The following ERI3 variants were observed in gnomAD, a reference collection of about 807,000 sequenced individuals.
ERI3 encodes the protein ERI1 exoribonuclease family member 3.
Under a neutral mutation model 44.4 loss-of-function variants are expected in ERI3, and 18 were observed. The observed-to-expected ratio is 0.41, with a 90% CI of 0.28 to 0.60. The LOEUF is 0.60. Among genes scored for constraint, ERI3 ranks in the 20% least tolerant of loss-of-function variants. The pLI is 0.36. For synonymous variants in ERI3, 183 were observed against 164.8 expected (o/e 1.11, Z -0.84); for missense variants, 294 against 435.5 (o/e 0.68, Z 2.89).
intron 8 of ERI3, chr1:44,243,757 G>T (rs565869775): frequency 2.0e-5 from 3 of 152,358 alleles, no homozygotes; most frequent in African/African-American, 7.2e-5. Context: ...TGCTACCGAA[G>T]GTCTGTTCAG....
rs377365653 is a variant in ERI3, at chr1:44,353,885, A to G, written c.136-960T>C. The G allele has an allele frequency of 3.8e-3, 3,697 of 985,244 alleles. 6 individuals carry two copies. Among genetic ancestry groups the G allele is most frequent in the South Asian group, 6.2e-3 (132 of 21,276 alleles). The allele number at this position is 985,244 out of a possible 1,614,324, so 61.0% of individuals were successfully genotyped here. A position where few individuals can be genotyped will look rare whatever the true frequency, so the allele number is the denominator to read the frequency against. On this transcript the variant is annotated intron_variant, in intron 1 of 8. Coordinates refer to ENST00000372257, the MANE Select transcript of ERI3 (RefSeq NM_024066.3). The stretch of plus-strand genomic sequence containing the variant: ...CACTTCCCGGCAGCTCCCTTCCCCC[A>G]ACCCCCACCTCCTGAGGAAAAGGCA...
At chr1:44,324,785 A>G (rs969475150) in intron 3 of ERI3, among the ~76,000 whole-genome samples, 4 of 151,940 alleles carry the variant, frequency 2.6e-5, no homozygotes, top group Admixed American at 1.3e-4. Context: ...CCCGGCCAAC[A>G]TGGACTTTCA....
intron 8 of ERI3, among the ~76,000 whole-genome samples, chr1:44,223,740 A>G (rs1455879997): frequency 1.3e-5 from 2 of 152,142 alleles, no homozygotes; most frequent in Non-Finnish European, 2.9e-5. Flanking sequence ...GTGGGCAAGC[A>G]CTGTTCTCCC....
intron 7 of ERI3, among the ~76,000 whole-genome samples, chr1:44,282,026 T>C (rs1057098420): frequency 6.6e-6 from 1 of 151,698 alleles, no homozygotes; most frequent in Non-Finnish European, 1.5e-5. Flanking sequence ...AATAAGAATA[T>C]AAGATCATTC....
chr1:44,263,285 G>A (rs1207994877), intron 7 of ERI3, among the ~76,000 whole-genome samples: 2 of 152,194 alleles, frequency 1.3e-5, no homozygotes, highest in East Asian at 1.9e-4. Flanking sequence ...GGCTGAAAAC[G>A]AAAAGCAAGA....
At chr1:44,255,573 C>T (rs113935465) in intron 7 of ERI3, among the ~76,000 whole-genome samples, 33 of 152,282 alleles carry the variant, frequency 2.2e-4, no homozygotes, top group African/African-American at 7.7e-4. Context: ...ATTTCCAAAT[C>T]TGTATTTCTT....
chr1:44,226,801 A>ACACACACG (rs1644053209), intron 8 of ERI3, among the ~76,000 whole-genome samples: 1 of 151,808 alleles, frequency 6.6e-6, no homozygotes, highest in Admixed American at 6.6e-5. Context: ...ACACACACAC[A>ACACACACG]CACACACACA....
chr1:44,285,014 A>C, intron 6 of ERI3, 107 bp from the exon 7 acceptor site: 1 of 929,160 alleles, frequency 1.1e-6, no homozygotes, highest in Admixed American at 2.1e-5. Context: ...AGACCTCAAA[A>C]GGTCAACCCA....
intron 8 of ERI3, among the ~76,000 whole-genome samples, chr1:44,229,174 G>A (rs1369563165): frequency 6.6e-6 from 1 of 152,112 alleles, no homozygotes; most frequent in Admixed American, 6.5e-5. Flanking sequence ...CCAGGCTCAA[G>A]AACAGACATG....
chr1:44,229,502 A>G (rs769735878), intron 8 of ERI3, among the ~76,000 whole-genome samples: 8 of 152,204 alleles, frequency 5.3e-5, no homozygotes, highest in Non-Finnish European at 5.9e-5. Context: ...CAGAGAGCCA[A>G]TTACCCCGCC....
intron 6 of ERI3, among the ~76,000 whole-genome samples, chr1:44,302,330 T>G (rs1645743958): frequency 6.6e-6 from 1 of 152,148 alleles, no homozygotes; most frequent in Admixed American, 6.5e-5. Context: ...CAATGACAGA[T>G]AAAAGTAATG....
At chr1:44,284,934 A>G in intron 6 of ERI3, 27 bp from the exon 7 acceptor site, 1 of 1,597,780 alleles carries the variant, frequency 6.3e-7, no homozygotes, top group Non-Finnish European at 8.6e-7. Flanking sequence ...AGAGAGAACA[A>G]GTTGGGCGCA....
chr1:44,265,557 TAAAAAGGC>T (rs1310795474), intron 7 of ERI3, among the ~76,000 whole-genome samples: 1 of 151,910 alleles, frequency 6.6e-6, no homozygotes, highest in African/African-American at 2.4e-5. Flanking sequence ...AGTGTTCTTT[TAAAAAGGC>T]AAAAATGACA....
At chr1:44,319,534 G>A (rs1646157255) in intron 4 of ERI3, 94 bp downstream of exon 4, 30 of 794,688 alleles carry the variant, frequency 3.8e-5, no homozygotes, top group Non-Finnish European at 2.1e-6. Context: ...GGATTGATAA[G>A]CCCTATGCTT....
chr1:44,310,444 A>T (rs1645929746), intron 5 of ERI3, among the ~76,000 whole-genome samples: 1 of 151,742 alleles, frequency 6.6e-6, no homozygotes, highest in Admixed American at 6.5e-5. Context: ...CATTCAGCAT[A>T]GGATCTACTC....
At chr1:44,234,309 C>T (rs1644255009) in intron 8 of ERI3, among the ~76,000 whole-genome samples, 1 of 152,188 alleles carries the variant, frequency 6.6e-6, no homozygotes, top group African/African-American at 2.4e-5. Flanking sequence ...ACGGCAGTGC[C>T]CCTGCCAATC....
rs1481328117 is a variant in ERI3 at position 44,310,961 on chromosome 1, GCGCACACACACA to G, written c.666+2196_666+2207del. Among the ~76,000 whole-genome samples, 541 of 84,694 alleles carry G rather than the reference GCGCACACACACA, an allele frequency of 6.4e-3. 8 individuals carry two copies. Among genetic ancestry groups the G allele is most frequent in the African/African-American group, 8.3e-3 (178 of 21,450 alleles). The allele number at this position is 84,694 out of a possible 152,430, so 55.6% of individuals were successfully genotyped here. A position where few individuals can be genotyped will look rare whatever the true frequency, so the allele number is the denominator to read the frequency against. ...GCATGTATGTGCACATCGCGCGCGC[GCGCACACACACA>G]CACACACACACACACACACACACAC... On this transcript the variant is annotated intron_variant, in intron 5 of 8. Coordinates refer to ENST00000372257, the MANE Select transcript of ERI3 (RefSeq NM_024066.3).
chr1:44,328,115 C>T (rs1284026237), intron 3 of ERI3, among the ~76,000 whole-genome samples: 1 of 152,172 alleles, frequency 6.6e-6, no homozygotes, highest in Non-Finnish European at 1.5e-5. Flanking sequence ...TGTTCTCTGC[C>T]CACAAATGAT....
rs1334011611 is a variant in ERI3 at position 44,301,367 on chromosome 1, T to C, written c.758+6943A>G. ...ACCTTACCCATCAAGAGACTTTTTA[T>C]GGCCAGGAAGCTGACCCACTGCCCT... On this transcript the variant is annotated intron_variant, in intron 6 of 8. Transcript: ENST00000372257. Among the ~76,000 whole-genome samples, 4 of 152,330 alleles carry C rather than the reference T, an allele frequency of 2.6e-5. No individual in the cohort carries two copies. The East Asian group carries it at 7.7e-4, about 29-fold the overall frequency.
Sources: allele counts gnomAD v4.1 joint callset (sites outside exome capture counted in the v4.1 genomes callset), GRCh38; gene constraint gnomAD v4.1.1; transcripts MANE v1.5; gene names NCBI Gene and HGNC (gene_info 2026-07-23, HGNC 2026-07-21).